The following SLC12A3 variants were observed in gnomAD, a reference collection of about 807,000 sequenced individuals.
The protein encoded by SLC12A3 is solute carrier family 12 member 3.
Under a neutral mutation model 121.0 loss-of-function variants are expected in SLC12A3, and 104 were observed. The observed-to-expected ratio is 0.86, with a 90% confidence interval of 0.73 to 1.01. The LOEUF (loss-of-function observed/expected upper bound fraction) is 1.01. Ranked by LOEUF, SLC12A3 falls within the 50% of genes least tolerant of loss-of-function variation. The pLI is 0.00. For missense variants in SLC12A3, 1,328 were observed against 1,356.3 expected (o/e 0.98, Z 0.33); for synonymous variants, 536 against 533.4 (o/e 1.00, Z -0.07).
At position 56,868,363 on chromosome 16, in the gene SLC12A3, G is replaced by A. The variant is rs1964410618; in HGVS notation, c.496G>A (p.Ala166Thr). ...GCGGCTGCCCTGGATTACGGCCCAG[G>A]CAGGCATCGGTGAGTGCCCCTCTGG... ...YLRLPWITAQ[A>T]GIVLTWIIIL... Residue 166 changes from alanine to threonine, a missense_variant, in exon 3 of 26, where the codon GCA becomes ACA. Coordinates refer to ENST00000563236, the MANE Select transcript of SLC12A3 (RefSeq NM_001126108.2). 6.2e-7 allele frequency: 1 copy of A among 1,612,684 alleles called. No individual in the cohort carries two copies. The highest frequency in any genetic ancestry group is 1.3e-5 in the African/African-American group (1 of 74,908).
At chr16:56,889,754 C>T (rs151158415) in intron 18 of SLC12A3, among the ~76,000 whole-genome samples, 2,555 of 152,252 alleles carry the variant, frequency 0.017, 68 homozygotes, top group African/African-American at 0.058. Context: ...GGATTACAGG[C>T]GTAAACCACT....
chr16:56,878,056 CT>C lies in SLC12A3; in HGVS notation c.1096-20del. 1 of 1,022,044 alleles carries C rather than the reference CT, an allele frequency of 9.8e-7. No homozygotes were observed. The highest frequency in any genetic ancestry group is 1.5e-6 in the Non-Finnish European group (1 of 671,506). The allele number at this position is 1,022,044 out of a possible 1,614,324, so 63.3% of individuals were successfully genotyped here. A position where few individuals can be genotyped will look rare whatever the true frequency, so the allele number is the denominator to read the frequency against. On this transcript the variant is annotated intron_variant, in intron 8 of 25. Coordinates refer to ENST00000563236, the MANE Select transcript of SLC12A3 (RefSeq NM_001126108.2). Reference sequence around the variant, plus strand: ...CCTCTCTCCCTCCCTCCCTCCCTCCCTCTCTCCCTCCCTCCTTCAGGACCCT... The same window carrying C: ...CCTCTCTCCCTCCCTCCCTCCCTCCCCTCTCCCTCCCTCCTTCAGGACCCT...
At chr16:56,892,818 C>A in intron 20 of SLC12A3, 135 bp from the exon 21 acceptor site, 1 of 704,768 alleles carries the variant, frequency 1.4e-6, no homozygotes, top group Non-Finnish European at 2.6e-6. Flanking sequence ...ACTGAGCGTC[C>A]TGGGCCCCGG....
intron 21 of SLC12A3, 58 bp from the exon 22 acceptor site, chr16:56,894,473 C>A: frequency 7.9e-7 from 1 of 1,264,358 alleles, no homozygotes; most frequent in Non-Finnish European, 1.1e-6. Context: ...CAGGAACTCA[C>A]ATAGTGCTCT....
intron 25 of SLC12A3, among the ~76,000 whole-genome samples, chr16:56,908,624 G>A (rs1382772190): frequency 6.6e-6 from 1 of 152,200 alleles, no homozygotes. Context: ...GACTGTGCTG[G>A]TTGCACACCC....
At chr16:56,905,912 T>G (rs1385109928) in intron 25 of SLC12A3, among the ~76,000 whole-genome samples, 1 of 152,184 alleles carries the variant, frequency 6.6e-6, no homozygotes, top group Non-Finnish European at 1.5e-5. Flanking sequence ...TCTATAAATC[T>G]GCAAAATGCA....
At chr16:56,882,654 G>A (rs1209729129) in intron 13 of SLC12A3, among the ~76,000 whole-genome samples, 157 bp downstream of exon 13, 2 of 151,904 alleles carry the variant, frequency 1.3e-5, no homozygotes, top group Admixed American at 6.6e-5. Context: ...AATAATAGCA[G>A]CTCTCGGCTG....
intron 8 of SLC12A3, 146 bp from the exon 9 acceptor site, chr16:56,877,931 G>A: frequency 1.6e-6 from 1 of 613,602 alleles, no homozygotes; most frequent in East Asian, 2.8e-5. Context: ...GCTCTGAGGG[G>A]CCAAGGTCAG....
In SLC12A3 at chr16:56,886,983, C is replaced by T. The variant is rs756414578; in HGVS notation, c.2068C>T (p.Gln690Ter). ...CCACAAGCAGAGGATGCCTGAGCTCCAGCTCATCGCCAACGGGCACACCAA... is the reference window on the plus strand; with the variant it reads ...CCACAAGCAGAGGATGCCTGAGCTCTAGCTCATCGCCAACGGGCACACCAA... ...GPHKQRMPEL[Q>*]LIANGHTKWL... is the part of the protein sequence containing the mutation. The change falls in exon 17 of 26, where the codon CAG becomes TAG. Residue 690 changes from glutamine to a stop codon, truncating the protein, a stop_gained. Transcript: ENST00000563236. LOFTEE classifies it high-confidence loss of function. The T allele has an allele frequency of 6.2e-7, 1 of 1,613,850 alleles. No individual in the cohort carries two copies. Among genetic ancestry groups the T allele is most frequent in the East Asian group, 2.2e-5 (1 of 44,858 alleles).
chr16:56,909,626 TGC>T (rs1221789168), intron 25 of SLC12A3, among the ~76,000 whole-genome samples: 1 of 152,110 alleles, frequency 6.6e-6, no homozygotes, highest in African/African-American at 2.4e-5. Context: ...ACAGAGCAGC[TGC>T]ATCTCTCCAT....
intron 20 of SLC12A3, 127 bp from the exon 21 acceptor site, chr16:56,892,826 C>A (rs199969404): frequency 1.4e-6 from 1 of 727,770 alleles, no homozygotes; most frequent in East Asian, 2.7e-5. Flanking sequence ...TCCTGGGCCC[C>A]GGTTCCTGTT....
chr16:56,885,389 C>G, intron 15 of SLC12A3, 25 bp downstream of exon 15: 9 of 1,426,844 alleles, frequency 6.3e-6, no homozygotes, highest in Non-Finnish European at 8.7e-6. Flanking sequence ...TGGGACCCAC[C>G]TGGGACCCCA....
chr16:56,895,196 T>C (rs1438019786), intron 22 of SLC12A3, among the ~76,000 whole-genome samples: 20 of 144,518 alleles, frequency 1.4e-4, no homozygotes, highest in African/African-American at 4.8e-4. Context: ...ATTTTAATTT[T>C]TTTTTTTTTT....
chr16:56,878,190 G>C (rs200793069), intron 9 of SLC12A3, 29 bp downstream of exon 9: 1 of 1,556,580 alleles, frequency 6.4e-7, no homozygotes, highest in Non-Finnish European at 8.8e-7. Context: ...CAGTCAGGAG[G>C]GGGAGGGACC....
At chr16:56,873,490 G>A (rs573280617) in intron 8 of SLC12A3, among the ~76,000 whole-genome samples, 1 of 137,976 alleles carries the variant, frequency 7.2e-6, no homozygotes, top group Admixed American at 8.0e-5. Flanking sequence ...GGGTTCAAGC[G>A]ATTCTCCTGC....
chr16:56,872,492 C>T (rs1231135372), intron 7 of SLC12A3, 30 bp downstream of exon 7: 2 of 1,589,572 alleles, frequency 1.3e-6, no homozygotes. Flanking sequence ...CTGACCATGG[C>T]TCTGGGGACA....
chr16:56,880,060 T>C (rs2055217726), intron 11 of SLC12A3, 70 bp from the exon 12 acceptor site: 2 of 1,580,908 alleles, frequency 1.3e-6, no homozygotes, highest in African/African-American at 2.7e-5. Flanking sequence ...GGGCTGGAGC[T>C]CAGGTGGCCC....
intron 21 of SLC12A3, among the ~76,000 whole-genome samples, chr16:56,894,082 C>T (rs1596936360): frequency 6.6e-6 from 1 of 151,604 alleles, no homozygotes; most frequent in Non-Finnish European, 1.5e-5. Context: ...CGGCTCACTG[C>T]AACCTCTGCC....
At chr16:56,892,243 C>T (rs2055398419) in intron 20 of SLC12A3, 110 bp downstream of exon 20, 1 of 985,566 alleles carries the variant, frequency 1.0e-6, no homozygotes, top group Non-Finnish European at 1.6e-6. Context: ...TGGTCGAGGA[C>T]AGGTGGTTTT....
Sources: allele counts gnomAD v4.1 joint callset (sites outside exome capture counted in the v4.1 genomes callset), GRCh38; gene constraint gnomAD v4.1.1; transcripts MANE v1.5; gene names NCBI Gene and HGNC (gene_info 2026-07-23, HGNC 2026-07-21).